Variants in ANKRD36 observed in about 807,000 individuals in gnomAD.
The protein encoded by ANKRD36 is ankyrin repeat domain-containing protein 36A.
A neutral mutation model predicts 278.1 loss-of-function variants in ANKRD36; 179 were observed. That is an observed-to-expected ratio of 0.64 (90% CI 0.57 to 0.73). ANKRD36 has a LOEUF of 0.73. ANKRD36 is among the 30% of genes least tolerant of loss of function. The pLI, the probability that ANKRD36 is intolerant of heterozygous loss-of-function variation, is 0.00. For missense variants in ANKRD36, 1,159 were observed against 1,956.7 expected (o/e 0.59, Z 7.69); for synonymous variants, 320 against 641.1 (o/e 0.50, Z 7.57).
At chr2:97,218,278 C>T (rs983652431) in intron 64 of ANKRD36, among the ~76,000 whole-genome samples, 3 of 149,966 alleles carry the variant, frequency 2.0e-5, no homozygotes, top group African/African-American at 7.4e-5. Flanking sequence ...GAATATTAGA[C>T]TGATTTCCAA....
rs777129523 is a variant in ANKRD36 at position 97,191,053 on chromosome 2, A to G, written c.2274+47A>G. On this transcript the variant is annotated intron_variant, in intron 35 of 75. Coordinates refer to ENST00000420699, the MANE Select transcript of ANKRD36 (RefSeq NM_001354587.1). ...TTGTGAACTAGTAAATCTATAGTCT[A>G]TGAAATATACTTCATTGATTTATTT... The G allele has an allele frequency of 1.1e-5, 18 of 1,600,024 alleles. 1 individual carries two copies. Among genetic ancestry groups the G allele is most frequent in the African/African-American group, 2.7e-5 (2 of 74,102 alleles).
At chr2:97,210,330 T>C (rs1237777766) in intron 56 of ANKRD36, among the ~76,000 whole-genome samples, 4 of 151,732 alleles carry the variant, frequency 2.6e-5, no homozygotes, top group Admixed American at 1.3e-4. Flanking sequence ...GGAAGACGGA[T>C]TGTGAGGCAG....
intron 40 of ANKRD36, 66 bp from the exon 41 acceptor site, chr2:97,196,527 C>G: frequency 6.3e-7 from 1 of 1,595,934 alleles, no homozygotes; most frequent in South Asian, 1.1e-5. Context: ...GCTAACTCTG[C>G]TTGAATGTAT....
chr2:97,233,849 T>A lies in ANKRD36; in HGVS notation c.4071T>A (p.Asp1357Glu). 1 of 1,405,258 alleles carries A rather than the reference T, an allele frequency of 7.1e-7. No homozygotes were observed. Among genetic ancestry groups the A allele is most frequent in the South Asian group, 1.5e-5 (1 of 68,760 alleles). 87.0% of individuals were successfully genotyped at this position (1,405,258 alleles called of 1,614,324 possible). The change falls in exon 68 of 76, where the codon GAT (aspartate) becomes GAA (glutamate). Residue 1357 changes from aspartate to glutamate, a missense_variant. Physicochemically the swap from Asp to Glu is conservative, Grantham distance 45. Transcript: ENST00000420699. ...GTAAGAATGTCATATTACTCATTGA[T>A]CAACATGAAATGAAGTGTAAAGGTA... is the stretch of plus-strand genomic sequence containing the variant. ...CNCKNVILLI[D>E]QHEMKCKDCV...
At chr2:97,212,211 T>A (rs2153630886) in intron 58 of ANKRD36, among the ~76,000 whole-genome samples, 1 of 151,980 alleles carries the variant, frequency 6.6e-6, no homozygotes, top group Admixed American at 6.6e-5. Flanking sequence ...GGATTGTGAG[T>A]CAGGAAGGAG....
At position 97,113,782 on chromosome 2, in the gene ANKRD36, C is replaced by G. The variant is rs751921262; in HGVS notation, c.43C>G (p.Arg15Gly). Residue 15 changes from arginine to glycine, a missense_variant, in exon 1 of 76, where the codon CGC (arginine) becomes GGC (glycine). By Grantham distance (125) the Arg-to-Gly change is moderately radical. Coordinates refer to ENST00000420699, the MANE Select transcript of ANKRD36 (RefSeq NM_001354587.1). ...GGAGAGGTGGCCCACCCTCATGGAG[C>G]GCTTGTGCTCGGATGGCTTCGCATT... Reference protein sequence around the residue: ...KRERWPTLMERLCSDGFAFPQ... With the variant: ...KRERWPTLMEGLCSDGFAFPQ... 23 of 1,612,850 alleles carry G rather than the reference C, an allele frequency of 1.4e-5. 1 individual carries two copies. Among genetic ancestry groups the G allele is most frequent in the East Asian group, 4.5e-5 (2 of 44,166 alleles).
At chr2:97,168,660 A>C (rs1003375874) in intron 22 of ANKRD36, among the ~76,000 whole-genome samples, 1 of 152,298 alleles carries the variant, frequency 6.6e-6, no homozygotes, top group Admixed American at 6.5e-5. Context: ...CCCTGTGTCC[A>C]TGTGTTCTCA....
At chr2:97,201,753 CA>C (rs1232006477) in intron 46 of ANKRD36, among the ~76,000 whole-genome samples, 1 of 151,876 alleles carries the variant, frequency 6.6e-6, no homozygotes, top group Non-Finnish European at 1.5e-5. Context: ...TGTGCCTTCT[CA>C]GTTATTGGGC....
chr2:97,154,316 A>G (rs1442689573), intron 14 of ANKRD36, among the ~76,000 whole-genome samples: 2 of 149,406 alleles, frequency 1.3e-5, no homozygotes, highest in Non-Finnish European at 1.5e-5. Context: ...GTTGTGTCAG[A>G]TATCAATTGG....
intron 17 of ANKRD36, among the ~76,000 whole-genome samples, chr2:97,160,231 T>C (rs1575106889): frequency 6.6e-6 from 1 of 152,424 alleles, no homozygotes; most frequent in South Asian, 2.1e-4. Context: ...CATCTGTACT[T>C]AAGAACATAC....
At chr2:97,183,932 T>A (rs7588752) in intron 28 of ANKRD36, among the ~76,000 whole-genome samples, 1 of 151,178 alleles carries the variant, frequency 6.6e-6, no homozygotes, top group African/African-American at 2.4e-5. Flanking sequence ...GCATAATTTT[T>A]CTCTTATTTC....
At chr2:97,231,346 C>T (rs2071991075) in intron 67 of ANKRD36, among the ~76,000 whole-genome samples, 1 of 152,164 alleles carries the variant, frequency 6.6e-6, no homozygotes, top group Non-Finnish European at 1.5e-5. Context: ...TGGCAGGTGC[C>T]CCTCCCCCAG....
intron 66 of ANKRD36, among the ~76,000 whole-genome samples, chr2:97,220,977 T>C (rs1411364761): frequency 1.0e-5 from 1 of 99,566 alleles, no homozygotes; most frequent in African/African-American, 5.0e-5. Context: ...CCTTCCTGTG[T>C]CCATGTGATC....
At chr2:97,187,661 A>C (rs2057723881) in intron 32 of ANKRD36, among the ~76,000 whole-genome samples, 1 of 151,824 alleles carries the variant, frequency 6.6e-6, no homozygotes, top group African/African-American at 2.4e-5. Flanking sequence ...GGTTCAAGAC[A>C]TAAGGGGCTC....
intron 17 of ANKRD36, among the ~76,000 whole-genome samples, chr2:97,160,473 C>G (rs534445970): frequency 6.6e-5 from 10 of 152,210 alleles, no homozygotes; most frequent in African/African-American, 2.2e-4. Context: ...TTATTCAGCT[C>G]TAAAGCTCAG....
intron 3 of ANKRD36, among the ~76,000 whole-genome samples, chr2:97,120,720 A>G (rs2036562062): frequency 6.6e-6 from 1 of 152,138 alleles, no homozygotes; most frequent in South Asian, 2.1e-4. Context: ...GAAGTATTTT[A>G]CATGAAAATA....
chr2:97,130,562 G>A (rs2039874673), intron 6 of ANKRD36, among the ~76,000 whole-genome samples: 1 of 151,386 alleles, frequency 6.6e-6, no homozygotes, highest in Admixed American at 6.6e-5. Context: ...AAACCTGCAC[G>A]TTGTGCACAT....
chr2:97,194,573 G>T (rs1469250574), intron 38 of ANKRD36, among the ~76,000 whole-genome samples, 153 bp from the exon 39 acceptor site: 2 of 151,540 alleles, frequency 1.3e-5, no homozygotes, highest in African/African-American at 4.8e-5. Flanking sequence ...GGGTATTTCT[G>T]ACATGTTCTG....
chr2:97,220,761 CTT>C (rs60699692), intron 66 of ANKRD36, among the ~76,000 whole-genome samples: 8 of 70,612 alleles, frequency 1.1e-4, no homozygotes, highest in African/African-American at 4.3e-4. Flanking sequence ...TTTTAATTTT[CTT>C]TTTTTTTTTT....
Sources: allele counts gnomAD v4.1 joint callset (sites outside exome capture counted in the v4.1 genomes callset), GRCh38; gene constraint gnomAD v4.1.1; transcripts MANE v1.5; gene names NCBI Gene and HGNC (gene_info 2026-07-23, HGNC 2026-07-21).